Variants in EXOC6 observed in about 807,000 individuals in gnomAD.
The protein encoded by EXOC6 is exocyst complex component 6.
A neutral mutation model predicts 112.5 loss-of-function variants in EXOC6; 60 were observed. The ratio of observed to expected loss-of-function variants is 0.53; its 90% CI spans 0.43 to 0.66. EXOC6 has a LOEUF of 0.66. EXOC6 is among the 30% of genes least tolerant of loss of function. The probability of loss-of-function intolerance (pLI) is 0.00; values close to 1 mark genes in which losing one functional copy is unlikely to be tolerated. For missense variants in EXOC6, 855 were observed against 957.1 expected, an observed-to-expected ratio of 0.89 and a Z score of 1.41; for synonymous variants, 295 against 308.0, an observed-to-expected ratio of 0.96 and a Z score of 0.44.
intron 8 of EXOC6, among the ~76,000 whole-genome samples, chr10:92,926,805 A>G (rs1445458321): frequency 6.6e-6 from 1 of 152,146 alleles, no homozygotes; most frequent in Non-Finnish European, 1.5e-5. Context: ...AGTTGCGGGG[A>G]TTAAAGCGTG....
At chr10:92,936,839 A>G (rs535770556) in intron 12 of EXOC6, among the ~76,000 whole-genome samples, 1 of 152,204 alleles carries the variant, frequency 6.6e-6, no homozygotes, top group South Asian at 2.1e-4. Flanking sequence ...ATTAGGAAAA[A>G]TATCACAGCG....
At chr10:92,889,302 A>AT (rs1849378485) in intron 1 of EXOC6, among the ~76,000 whole-genome samples, 1 of 152,166 alleles carries the variant, frequency 6.6e-6, no homozygotes, top group African/African-American at 2.4e-5. Flanking sequence ...TGTAGATACT[A>AT]TTTTTTAAAG....
Position 93,028,122 on chromosome 10 carries a change from C to A in EXOC6, c.2169+13855C>A, listed in dbSNP as rs533421775. Among the ~76,000 whole-genome samples, 9 of 151,922 alleles carry A rather than the reference C, an allele frequency of 5.9e-5. No homozygotes were observed. The South Asian group carries it at 1.0e-3, about 18-fold the overall frequency. On this transcript the variant is annotated intron_variant, in intron 20 of 21. Transcript: ENST00000260762. ...GACCAACCTGGACAACATAAGGAGACGCTGTCATATGTTATTTTTTTTAAA... is the reference window on the plus strand; with the variant it reads ...GACCAACCTGGACAACATAAGGAGAAGCTGTCATATGTTATTTTTTTTAAA...
intron 1 of EXOC6, among the ~76,000 whole-genome samples, chr10:92,849,151 C>T (rs1847200579): frequency 6.6e-6 from 1 of 152,112 alleles, no homozygotes; most frequent in South Asian, 2.1e-4. Flanking sequence ...GAGACGCCGG[C>T]CCGCTTTCCC....
At chr10:92,896,168 TA>T in intron 4 of EXOC6, among the ~76,000 whole-genome samples, 1 of 29,604 alleles carries the variant, frequency 3.4e-5, no homozygotes, top group East Asian at 1.8e-3. Flanking sequence ...TATATATATA[TA>T]TATATATATA....
rs185877653 is a variant in EXOC6 at position 92,991,277 on chromosome 10, A to G, written c.1954-6197A>G. The stretch of plus-strand genomic sequence containing the variant: ...ATGGTGACACCCCGTCTCTACCAAA[A>G]ACACAAATATTAGCCGGGCATGGTC... On this transcript the variant is annotated intron_variant, in intron 18 of 21. Transcript: ENST00000260762. Among the ~76,000 whole-genome samples, 466 of 151,912 alleles carry G rather than the reference A, an allele frequency of 3.1e-3. 1 individual carries two copies. Among genetic ancestry groups the G allele is most frequent in the African/African-American group, 0.011 (453 of 41,452 alleles).
intron 12 of EXOC6, among the ~76,000 whole-genome samples, chr10:92,936,671 C>T (rs1406211245): frequency 1.3e-5 from 2 of 152,286 alleles, no homozygotes; most frequent in African/African-American, 4.8e-5. Context: ...CTCTCCCCTT[C>T]GGATATTAAA....
chr10:92,979,845 T>C (rs1249502159), intron 18 of EXOC6, among the ~76,000 whole-genome samples: 1 of 141,728 alleles, frequency 7.1e-6, no homozygotes, highest in African/African-American at 2.7e-5. Flanking sequence ...TTTAGTGAGC[T>C]GAGATCATGC....
chr10:92,935,587 A>C (rs576735203), intron 11 of EXOC6, among the ~76,000 whole-genome samples: 1 of 152,238 alleles, frequency 6.6e-6, no homozygotes, highest in East Asian at 1.9e-4. Flanking sequence ...AAATCTAAAA[A>C]CTTTTGAAAT....
intron 12 of EXOC6, among the ~76,000 whole-genome samples, chr10:92,938,135 G>T (rs896140135): frequency 6.6e-6 from 1 of 152,044 alleles, no homozygotes; most frequent in Admixed American, 6.6e-5. Flanking sequence ...TACAGTATTT[G>T]ATATGGTACC....
At chr10:93,001,150 CTG>C (rs1843738381) in intron 19 of EXOC6, among the ~76,000 whole-genome samples, 1 of 152,012 alleles carries the variant, frequency 6.6e-6, no homozygotes, top group Non-Finnish European at 1.5e-5. Flanking sequence ...CCTGGTAAGT[CTG>C]TGAAGAGAAA....
In EXOC6 at chr10:92,917,512, T is replaced by C. The variant is rs566723612; in HGVS notation, c.819+1599T>C. 2.7e-5 allele frequency among the ~76,000 whole-genome samples: 4 copies of C among 149,448 alleles called. No individual in the cohort carries two copies. In the East Asian group the frequency reaches 7.8e-4, roughly 29 times the overall value. On this transcript the variant is annotated intron_variant, in intron 7 of 21. Coordinates refer to ENST00000260762, the MANE Select transcript of EXOC6 (RefSeq NM_019053.6). Reference sequence around the variant, plus strand: ...TTTCATCTTCTATATCCAAATTCATTCTCTCGTTCTTTTTTTCTTTCTTTT... The same window carrying C: ...TTTCATCTTCTATATCCAAATTCATCCTCTCGTTCTTTTTTTCTTTCTTTT...
intron 1 of EXOC6, among the ~76,000 whole-genome samples, chr10:92,892,851 TG>T (rs1004027118): frequency 1.3e-5 from 2 of 152,322 alleles, no homozygotes; most frequent in Admixed American, 6.5e-5. Context: ...TCACTTGTGC[TG>T]GTTGTGGAAT....
intron 11 of EXOC6, 66 bp downstream of exon 11, chr10:92,934,496 A>T: frequency 7.3e-7 from 1 of 1,362,058 alleles, no homozygotes; most frequent in South Asian, 1.7e-5. Context: ...TGAGCTGCAT[A>T]ATGTCAGAGG....
chr10:92,991,084 G>A (rs1564891495), intron 18 of EXOC6, among the ~76,000 whole-genome samples: 1 of 151,128 alleles, frequency 6.6e-6, no homozygotes, highest in Non-Finnish European at 1.5e-5. Context: ...ATGATTATAT[G>A]TAAACCACTT....
chr10:93,014,104 A>G, intron 19 of EXOC6, 90 bp from the exon 20 acceptor site: 1 of 927,158 alleles, frequency 1.1e-6, no homozygotes, highest in Non-Finnish European at 1.7e-6. Context: ...ATTATAATGC[A>G]TTTATAATGA....
chr10:92,968,028 A>G (rs1842136944), intron 17 of EXOC6, among the ~76,000 whole-genome samples: 1 of 152,208 alleles, frequency 6.6e-6, no homozygotes. Flanking sequence ...AAATGATGTC[A>G]TTAAGGTGTG....
In EXOC6 at chr10:92,962,745, G is replaced by A. The variant is rs1017107941; in HGVS notation, c.1773+7031G>A. Among the ~76,000 whole-genome samples, 6 of 152,258 alleles carry A rather than the reference G, an allele frequency of 3.9e-5. No individual in the cohort carries two copies. The South Asian group carries it at 1.2e-3, about 32-fold the overall frequency. On this transcript the variant is annotated intron_variant, in intron 17 of 21. Transcript: ENST00000260762. ...ATTGCTGAGGGGAAGATATGGAATG[G>A]TTCTTGACCACTAGGATTCTTTTAA...
chr10:93,051,059 GCCAT>G (rs1846267957), intron 20 of EXOC6, among the ~76,000 whole-genome samples: 1 of 151,198 alleles, frequency 6.6e-6, no homozygotes, highest in Admixed American at 6.6e-5. Flanking sequence ...TGCTATTTTA[GCCAT>G]GGTAGTGACC....
Sources: allele counts gnomAD v4.1 joint callset (sites outside exome capture counted in the v4.1 genomes callset), GRCh38; gene constraint gnomAD v4.1.1; transcripts MANE v1.5; gene names NCBI Gene and HGNC (gene_info 2026-07-23, HGNC 2026-07-21).